SYNPR: variants seen among roughly 807,000 people sequenced by gnomAD.
SYNPR encodes the protein synaptoporin.
SYNPR carries 23 observed loss-of-function variants against 32.9 expected under a neutral mutation model. The ratio of observed to expected loss-of-function variants is 0.70; its 90% CI spans 0.50 to 0.99. The LOEUF (loss-of-function observed/expected upper bound fraction) is 0.99, where lower values mean the gene tolerates loss of function less well. Ranked by LOEUF, SYNPR falls within the 50% of genes least tolerant of loss-of-function variation. The pLI is 0.00. For missense variants in SYNPR, 318 were observed against 349.3 expected (o/e 0.91, Z 0.71); for synonymous variants, 146 against 135.9 (o/e 1.07, Z -0.52).
At chr3:63,420,751 T>C (rs1396364488) in intron 2 of SYNPR, among the ~76,000 whole-genome samples, 1 of 152,112 alleles carries the variant, frequency 6.6e-6, no homozygotes, top group African/African-American at 2.4e-5. Context: ...AATAGTCAAC[T>C]GGGAAAAGAT....
At chr3:63,363,094 T>C (rs772264701) in intron 2 of SYNPR, among the ~76,000 whole-genome samples, 1 of 152,226 alleles carries the variant, frequency 6.6e-6, no homozygotes, top group Non-Finnish European at 1.5e-5. Context: ...TTTAGAATAA[T>C]GTTCTTGTGT....
intron 4 of SYNPR, 109 bp downstream of exon 4, chr3:63,556,850 G>A (rs1179345410): frequency 9.6e-7 from 1 of 1,040,334 alleles, no homozygotes; most frequent in Non-Finnish European, 1.3e-6. Flanking sequence ...TGTTTGAAAG[G>A]AAATCACATT....
intron 4 of SYNPR, among the ~76,000 whole-genome samples, chr3:63,595,981 A>ATATATAGTTT (rs1171268151): frequency 0.13 from 15,808 of 120,822 alleles, 1,732 homozygotes; most frequent in South Asian, 0.3. Flanking sequence ...ATAGTTTTAT[A>ATATATAGTTT]TATATATAGT....
rs553278340 is a variant in SYNPR, at chr3:63,336,716, A to G, written c.84+57974A>G. ...GGTAATGATTATTAGATACATCACCAAAAGCACAATCTATGAAAGGAAAAA... is the reference window on the plus strand; with the variant it reads ...GGTAATGATTATTAGATACATCACCGAAAGCACAATCTATGAAAGGAAAAA... On this transcript the variant is annotated intron_variant, in intron 2 of 5. Transcript: ENST00000478300. Among the ~76,000 whole-genome samples the G allele has an allele frequency of 1.2e-3, 175 of 152,138 alleles. 1 individual carries two copies. The highest frequency in any genetic ancestry group is 1.3e-3 in the Non-Finnish European group (89 of 67,982).
At chr3:63,240,112 C>T (rs149236377) in intron 1 of SYNPR, among the ~76,000 whole-genome samples, 6 of 152,120 alleles carry the variant, frequency 3.9e-5, no homozygotes, top group Non-Finnish European at 8.8e-5. Flanking sequence ...CTCCTTACTC[C>T]TCATGAGTTT....
intron 2 of SYNPR, among the ~76,000 whole-genome samples, chr3:63,331,611 C>T (rs1448752833): frequency 6.6e-6 from 1 of 152,022 alleles, no homozygotes; most frequent in African/African-American, 2.4e-5. Context: ...CTAGAAGGGG[C>T]TTGGGCTTAA....
intron 4 of SYNPR, among the ~76,000 whole-genome samples, chr3:63,583,357 C>T (rs1703125260): frequency 1.3e-5 from 2 of 152,030 alleles, no homozygotes; most frequent in Admixed American, 1.3e-4. Context: ...AATGGCTGAG[C>T]TTTGGCTAAG....
chr3:63,266,250 A>G (rs569315804), intron 2 of SYNPR, among the ~76,000 whole-genome samples: 5 of 150,052 alleles, frequency 3.3e-5, no homozygotes, highest in Non-Finnish European at 7.4e-5. Context: ...TTCTTTTTCT[A>G]TTTTTTTTTT....
rs563784260 is a variant in SYNPR, at chr3:63,301,302, G to A, written c.84+22560G>A. Among the ~76,000 whole-genome samples, 175 of 152,212 alleles carry A rather than the reference G, an allele frequency of 1.1e-3. 2 individuals carry two copies. The highest frequency in any genetic ancestry group is 4.0e-3 in the African/African-American group (166 of 41,562). ...TTCAGCGCAGTACCTAATATAGGGT[G>A]GGCCCTCAGTAAGTGTTGTGAATTT... On this transcript the variant is annotated intron_variant, in intron 2 of 5. Transcript: ENST00000478300.
At chr3:63,467,743 T>A (rs115943129) in intron 2 of SYNPR, among the ~76,000 whole-genome samples, 1 of 152,180 alleles carries the variant, frequency 6.6e-6, no homozygotes, top group African/African-American at 2.4e-5. Flanking sequence ...ATTTTGAAAA[T>A]TTTTCAATAT....
At chr3:63,288,046 T>G (rs1475297869) in intron 2 of SYNPR, among the ~76,000 whole-genome samples, 1 of 152,206 alleles carries the variant, frequency 6.6e-6, no homozygotes, top group Non-Finnish European at 1.5e-5. Context: ...TGTTTCCCAT[T>G]TATTCTTGTC....
chr3:63,462,919 C>A (rs932851215), intron 2 of SYNPR, among the ~76,000 whole-genome samples: 25 of 152,094 alleles, frequency 1.6e-4, no homozygotes, highest in African/African-American at 5.8e-4. Context: ...AACATACAGG[C>A]CCTGGCCACC....
chr3:63,398,506 G>A (rs1433204057), intron 2 of SYNPR, among the ~76,000 whole-genome samples: 3 of 151,818 alleles, frequency 2.0e-5, no homozygotes, highest in African/African-American at 7.3e-5. Flanking sequence ...AGATCACGAG[G>A]TCAGGAGATC....
At chr3:63,536,742 T>C (rs963715384) in intron 3 of SYNPR, among the ~76,000 whole-genome samples, 1 of 152,168 alleles carries the variant, frequency 6.6e-6, no homozygotes, top group African/African-American at 2.4e-5. Flanking sequence ...AATTGATGAA[T>C]GAATTTTTTA....
intron 2 of SYNPR, among the ~76,000 whole-genome samples, chr3:63,376,270 C>T (rs2087894607): frequency 6.6e-6 from 1 of 152,164 alleles, no homozygotes; most frequent in South Asian, 2.1e-4. Flanking sequence ...CTGTTCTCTA[C>T]ACATATGCAA....
intron 4 of SYNPR, among the ~76,000 whole-genome samples, chr3:63,578,812 T>C (rs553314231): frequency 1.3e-5 from 2 of 152,124 alleles, no homozygotes; most frequent in Non-Finnish European, 2.9e-5. Context: ...GCAGAACTTG[T>C]AGAGTTCAGC....
chr3:63,415,773 T>A (rs1366741095), intron 2 of SYNPR, among the ~76,000 whole-genome samples: 1 of 152,224 alleles, frequency 6.6e-6, no homozygotes, highest in Non-Finnish European at 1.5e-5. Context: ...ATAATTGTAA[T>A]AAATATTTAG....
At chr3:63,476,651 T>C (rs950612719) in intron 2 of SYNPR, among the ~76,000 whole-genome samples, 4 of 152,080 alleles carry the variant, frequency 2.6e-5, no homozygotes, top group African/African-American at 9.7e-5. Context: ...AATCCTAACT[T>C]GGGAAGTCTA....
chr3:63,586,754 C>G (rs762019449), intron 4 of SYNPR, among the ~76,000 whole-genome samples: 10 of 151,208 alleles, frequency 6.6e-5, no homozygotes, highest in Non-Finnish European at 7.4e-5. Flanking sequence ...TGGCTAGGCT[C>G]TAGGGACACA....
Sources: gnomAD v4.1 joint callset for allele counts (sites outside exome capture counted in the v4.1 genomes callset) on GRCh38, gnomAD v4.1.1 for gene constraint, MANE v1.5 for transcripts, NCBI Gene and HGNC (gene_info 2026-07-23, HGNC 2026-07-21) for gene names.